The following PDE4B variants were observed in gnomAD, a reference collection of about 807,000 sequenced individuals.
The protein encoded by PDE4B is phosphodiesterase 4B.
PDE4B carries 20 observed loss-of-function variants against 82.2 expected under a neutral mutation model. The ratio of observed to expected loss-of-function variants is 0.24; its 90% CI spans 0.17 to 0.35. The LOEUF is 0.35. Ranked by LOEUF, PDE4B falls within the 10% of genes least tolerant of loss-of-function variation. PDE4B has a pLI of 1.00. For missense variants in PDE4B, 655 were observed against 907.2 expected, an observed-to-expected ratio of 0.72 and a Z score of 3.57; for synonymous variants, 320 against 318.9, an observed-to-expected ratio of 1.00 and a Z score of -0.04.
At chr1:66,190,019 A>G (rs563206014) in intron 3 of PDE4B, among the ~76,000 whole-genome samples, 2 of 152,030 alleles carry the variant, frequency 1.3e-5, no homozygotes, top group African/African-American at 2.4e-5. Context: ...TTTGGTGTGG[A>G]TGTCCTTTCT....
intron 1 of PDE4B, among the ~76,000 whole-genome samples, chr1:65,807,288 G>A (rs568848030): frequency 1.3e-5 from 2 of 152,130 alleles, no homozygotes; most frequent in South Asian, 2.1e-4. Context: ...TATACACATC[G>A]TTCTATAACT....
chr1:65,898,817 A>C (rs1646939741), intron 1 of PDE4B, among the ~76,000 whole-genome samples: 1 of 152,164 alleles, frequency 6.6e-6, no homozygotes, highest in South Asian at 2.1e-4. Context: ...AAATCAACTC[A>C]AGATGGATTA....
intron 3 of PDE4B, among the ~76,000 whole-genome samples, chr1:66,247,190 TC>T (rs1321349566): frequency 6.6e-6 from 1 of 152,208 alleles, no homozygotes; most frequent in African/African-American, 2.4e-5. Flanking sequence ...TGGAGTTTGC[TC>T]CTGGGTTCAA....
intron 1 of PDE4B, among the ~76,000 whole-genome samples, chr1:65,882,164 C>T (rs1338583689): frequency 6.6e-6 from 1 of 152,146 alleles, no homozygotes; most frequent in Non-Finnish European, 1.5e-5. Context: ...GTGTGGAGTC[C>T]AGAAATTTGA....
chr1:66,282,100 G>A (rs1656342326), intron 7 of PDE4B, among the ~76,000 whole-genome samples: 1 of 152,218 alleles, frequency 6.6e-6, no homozygotes, highest in Admixed American at 6.5e-5. Flanking sequence ...GTTTACATCT[G>A]TGGTTCCAAT....
intron 3 of PDE4B, among the ~76,000 whole-genome samples, chr1:65,928,086 T>G (rs745558734): frequency 1.3e-5 from 2 of 152,168 alleles, no homozygotes; most frequent in Non-Finnish European, 2.9e-5. Flanking sequence ...CTCTCCCCAG[T>G]GGGCAGGTAC....
chr1:65,995,807 A>G (rs951546808), intron 3 of PDE4B, among the ~76,000 whole-genome samples: 1 of 152,192 alleles, frequency 6.6e-6, no homozygotes, highest in African/African-American at 2.4e-5. Context: ...ACTTTACAGT[A>G]GACAGTAGGC....
chr1:66,013,277 C>A (rs971049242), intron 3 of PDE4B, among the ~76,000 whole-genome samples: 1 of 152,140 alleles, frequency 6.6e-6, no homozygotes, highest in Non-Finnish European at 1.5e-5. Context: ...GAAAAAAAGG[C>A]AGAACCAAAG....
intron 3 of PDE4B, among the ~76,000 whole-genome samples, chr1:66,201,661 A>G (rs965638084): frequency 1.3e-5 from 2 of 149,158 alleles, no homozygotes; most frequent in African/African-American, 5.0e-5. Flanking sequence ...CTCTGATGGT[A>G]GTTGGTATTT....
chr1:66,174,760 AAC>A (rs1646901449), intron 3 of PDE4B, among the ~76,000 whole-genome samples: 1 of 116,736 alleles, frequency 8.6e-6, no homozygotes, highest in African/African-American at 5.9e-5. Flanking sequence ...AAAAAGCAAC[AAC>A]AACAACAACA....
intron 7 of PDE4B, among the ~76,000 whole-genome samples, chr1:66,280,161 A>G (rs374334567): frequency 6.6e-5 from 10 of 152,372 alleles, no homozygotes; most frequent in South Asian, 6.2e-4. Flanking sequence ...CTTCAAAACA[A>G]AATAAAATAA....
At chr1:66,257,581 T>C in intron 4 of PDE4B, 66 bp from the exon 5 acceptor site, 1 of 1,333,936 alleles carries the variant, frequency 7.5e-7, no homozygotes, top group Non-Finnish European at 1.1e-6. Flanking sequence ...TTTAATATTA[T>C]AGCTTATATG....
intron 7 of PDE4B, among the ~76,000 whole-genome samples, chr1:66,310,779 G>C (rs768477075): frequency 6.6e-6 from 1 of 152,144 alleles, no homozygotes; most frequent in African/African-American, 2.4e-5. Flanking sequence ...GGAGTCAAGA[G>C]AGAATGAGGT....
intron 8 of PDE4B, among the ~76,000 whole-genome samples, chr1:66,332,938 A>C (rs1170371866): frequency 6.6e-6 from 1 of 152,230 alleles, no homozygotes; most frequent in Non-Finnish European, 1.5e-5. Flanking sequence ...AAGTGCTTTA[A>C]AATTTTTTTA....
chr1:65,991,575 A>G (rs1651246772), intron 3 of PDE4B, among the ~76,000 whole-genome samples: 1 of 152,172 alleles, frequency 6.6e-6, no homozygotes. Context: ...TTGCCGGTAT[A>G]GACTTTTCAT....
chr1:65,987,243 A>T (rs1489798164), intron 3 of PDE4B, among the ~76,000 whole-genome samples: 1 of 152,212 alleles, frequency 6.6e-6, no homozygotes. Context: ...CCCACCTAGG[A>T]TTCAGGTGAC....
At chr1:66,164,557 AAAAAAGAAAGAAAGAAAG>A (rs1646684260) in intron 3 of PDE4B, among the ~76,000 whole-genome samples, 2 of 145,332 alleles carry the variant, frequency 1.4e-5, no homozygotes, top group Non-Finnish European at 3.0e-5. Context: ...AAAAAAAAAA[AAAAAAGAAAGAAAGAAAG>A]AAAAAGAAAG....
intron 3 of PDE4B, among the ~76,000 whole-genome samples, chr1:66,025,254 G>T (rs1237970362): frequency 2.0e-5 from 3 of 152,014 alleles, no homozygotes. Context: ...GTACTTCAAG[G>T]AAAGAAGTGA....
chr1:65,935,023 T>A (rs1280517259), intron 3 of PDE4B, among the ~76,000 whole-genome samples: 1 of 152,194 alleles, frequency 6.6e-6, no homozygotes, highest in Non-Finnish European at 1.5e-5. Context: ...CTAACATACA[T>A]ATATAAAATA....
Sources: gnomAD v4.1 joint callset for allele counts (sites outside exome capture counted in the v4.1 genomes callset) on GRCh38, gnomAD v4.1.1 for gene constraint, MANE v1.5 for transcripts, NCBI Gene and HGNC (gene_info 2026-07-23, HGNC 2026-07-21) for gene names.